EXOC6B: variants seen among roughly 807,000 people sequenced by gnomAD.
EXOC6B encodes exocyst complex component 6B.
In EXOC6B, 54 loss-of-function variants were observed where a neutral mutation model predicts 113.5. That is an observed-to-expected ratio of 0.48 (90% CI 0.38 to 0.60). The LOEUF is 0.60. EXOC6B is among the 20% of genes least tolerant of loss of function. The pLI, the probability that EXOC6B is intolerant of heterozygous loss-of-function variation, is 0.00. For synonymous variants in EXOC6B, 357 were observed against 339.0 expected (o/e 1.05, Z -0.58); for missense variants, 797 against 977.5 (o/e 0.82, Z 2.46).
At chr2:72,536,504 A>T (rs757242705) in intron 8 of EXOC6B, among the ~76,000 whole-genome samples, 4 of 152,150 alleles carry the variant, frequency 2.6e-5, no homozygotes, top group Non-Finnish European at 5.9e-5. Flanking sequence ...TCACTTTTTT[A>T]AAATTGTAAA....
intron 6 of EXOC6B, among the ~76,000 whole-genome samples, chr2:72,662,113 G>T (rs1337302324): frequency 7.8e-6 from 1 of 128,388 alleles, no homozygotes; most frequent in Non-Finnish European, 1.6e-5. Context: ...GGAGAGAAGG[G>T]GGGAGGGGGG....
chr2:72,194,315 T>C (rs919133426), intron 20 of EXOC6B, among the ~76,000 whole-genome samples: 7 of 152,152 alleles, frequency 4.6e-5, no homozygotes, highest in Admixed American at 3.9e-4. Context: ...TAGAAGGAAT[T>C]TGGTATTCTG....
intron 20 of EXOC6B, among the ~76,000 whole-genome samples, chr2:72,326,795 G>T (rs1330987758): frequency 1.3e-5 from 2 of 151,568 alleles, no homozygotes; most frequent in African/African-American, 4.8e-5. Context: ...TGGCAAAACC[G>T]CAATTACTTT....
chr2:72,359,219 A>G (rs920407623), intron 19 of EXOC6B, among the ~76,000 whole-genome samples: 1 of 152,188 alleles, frequency 6.6e-6, no homozygotes, highest in African/African-American at 2.4e-5. Flanking sequence ...GTGAAATTTA[A>G]TCTTCAGTGC....
In EXOC6B at chr2:72,811,805, G is replaced by T. The variant is rs554344507; in HGVS notation, c.113+13993C>A. Reference sequence around the variant, plus strand: ...CCAGACTAAATATTTTAAATCACATGATCATATAAAATGATGCATTATAAG... The same window carrying T: ...CCAGACTAAATATTTTAAATCACATTATCATATAAAATGATGCATTATAAG... On this transcript the variant is annotated intron_variant, in intron 1 of 21. Coordinates refer to ENST00000272427, the MANE Select transcript of EXOC6B (RefSeq NM_015189.3). Among the ~76,000 whole-genome samples, 8 of 152,118 alleles carry T rather than the reference G, an allele frequency of 5.3e-5. 1 individual carries two copies. Among genetic ancestry groups the T allele is most frequent in the African/African-American group, 1.9e-4 (8 of 41,516 alleles).
At chr2:72,628,487 A>G (rs896505409) in intron 6 of EXOC6B, among the ~76,000 whole-genome samples, 12 of 152,156 alleles carry the variant, frequency 7.9e-5, no homozygotes, top group Non-Finnish European at 1.3e-4. Flanking sequence ...ATTATATAAC[A>G]TAACAGTTAA....
intron 20 of EXOC6B, among the ~76,000 whole-genome samples, chr2:72,302,640 G>C (rs1355426132): frequency 6.6e-6 from 1 of 152,080 alleles, no homozygotes; most frequent in Non-Finnish European, 1.5e-5. Flanking sequence ...CTAAAATTAG[G>C]ATTGCGGTGC....
rs1683433984 is a variant in EXOC6B, at chr2:72,257,654, G to A, written c.2197-73467C>T. Among the ~76,000 whole-genome samples, 3 of 152,184 alleles carry A rather than the reference G, an allele frequency of 2.0e-5. No homozygotes were observed. In the South Asian group the frequency reaches 6.2e-4, roughly 32 times the overall value. On this transcript the variant is annotated intron_variant, in intron 20 of 21. Coordinates refer to ENST00000272427, the MANE Select transcript of EXOC6B (RefSeq NM_015189.3). Reference sequence around the variant, plus strand: ...GAATATCCTTATGGAGACAGGATTTGTGAATTCTGCAGAATTAGTATGACT... The same window carrying A: ...GAATATCCTTATGGAGACAGGATTTATGAATTCTGCAGAATTAGTATGACT...
chr2:72,420,736 CT>C (rs1267497907), intron 18 of EXOC6B, among the ~76,000 whole-genome samples: 1 of 152,052 alleles, frequency 6.6e-6, no homozygotes, highest in Non-Finnish European at 1.5e-5. Context: ...ATTTATAATC[CT>C]TTGGGTATAT....
chr2:72,397,427 T>C (rs1328188233), intron 18 of EXOC6B, among the ~76,000 whole-genome samples: 1 of 151,854 alleles, frequency 6.6e-6, no homozygotes, highest in African/African-American at 2.4e-5. Context: ...GAGACCATCC[T>C]GGCTAACACG....
At chr2:72,289,794 G>A (rs1316326119) in intron 20 of EXOC6B, among the ~76,000 whole-genome samples, 1 of 152,136 alleles carries the variant, frequency 6.6e-6, no homozygotes. Flanking sequence ...AGTCCCTGAG[G>A]CTGAGGTGGG....
At chr2:72,186,764 A>C (rs1174065199) in intron 20 of EXOC6B, among the ~76,000 whole-genome samples, 1 of 152,242 alleles carries the variant, frequency 6.6e-6, no homozygotes, top group African/African-American at 2.4e-5. Flanking sequence ...TTTCAGATTT[A>C]TTGCTAATAC....
chr2:72,757,718 G>A (rs2104884162), intron 1 of EXOC6B, among the ~76,000 whole-genome samples: 1 of 152,084 alleles, frequency 6.6e-6, no homozygotes, highest in Middle Eastern at 3.4e-3. Flanking sequence ...TCTTTTTTAG[G>A]TTGACAAATG....
chr2:72,539,935 T>C (rs1702504546), intron 8 of EXOC6B, among the ~76,000 whole-genome samples: 1 of 142,558 alleles, frequency 7.0e-6, no homozygotes. Context: ...CTCCTAATGC[T>C]ATCCCTCCCC....
intron 6 of EXOC6B, among the ~76,000 whole-genome samples, chr2:72,687,671 G>A (rs1321660199): frequency 6.6e-6 from 1 of 152,086 alleles, no homozygotes; most frequent in Non-Finnish European, 1.5e-5. Context: ...GCTTAAAGGG[G>A]TTAAGCTGAA....
intron 6 of EXOC6B, among the ~76,000 whole-genome samples, chr2:72,658,088 C>G (rs1253076106): frequency 6.6e-6 from 1 of 150,686 alleles, no homozygotes; most frequent in Non-Finnish European, 1.5e-5. Context: ...CAGTCCAGCT[C>G]TTTAAGTTCT....
At chr2:72,356,193 T>C (rs2104962636) in intron 19 of EXOC6B, among the ~76,000 whole-genome samples, 1 of 152,320 alleles carries the variant, frequency 6.6e-6, no homozygotes, top group Middle Eastern at 3.4e-3. Context: ...TATGTTCAGG[T>C]TCAGATACCC....
intron 6 of EXOC6B, among the ~76,000 whole-genome samples, chr2:72,672,050 T>C (rs1366077657): frequency 6.6e-6 from 1 of 152,002 alleles, no homozygotes; most frequent in Admixed American, 6.6e-5. Flanking sequence ...AGCAGGGTGC[T>C]GGCAAGGATA....
At chr2:72,542,228 T>G (rs1249099071) in intron 8 of EXOC6B, among the ~76,000 whole-genome samples, 1 of 152,140 alleles carries the variant, frequency 6.6e-6, no homozygotes, top group East Asian at 1.9e-4. Flanking sequence ...TTCTATGTGG[T>G]GAGAATAACC....
Sources: gnomAD v4.1 joint callset for allele counts (sites outside exome capture counted in the v4.1 genomes callset) on GRCh38, gnomAD v4.1.1 for gene constraint, MANE v1.5 for transcripts, NCBI Gene and HGNC (gene_info 2026-07-23, HGNC 2026-07-21) for gene names.